Variants in TNS3 observed in about 807,000 individuals in gnomAD.
The protein encoded by TNS3 is tensin-3.
TNS3 carries 45 observed loss-of-function variants against 140.9 expected under a neutral mutation model. The observed-to-expected ratio is 0.32, with a 90% CI of 0.25 to 0.41. The LOEUF (loss-of-function observed/expected upper bound fraction) is 0.41, where lower values mean the gene tolerates loss of function less well. Among genes scored for constraint, TNS3 ranks in the 10% least tolerant of loss-of-function variants. The probability of loss-of-function intolerance (pLI) is 1.00; values close to 1 mark genes in which losing one functional copy is unlikely to be tolerated. For synonymous variants in TNS3, 815 were observed against 788.4 expected, an observed-to-expected ratio of 1.03 and a Z score of -0.56; for missense variants, 1,716 against 1,906.7, an observed-to-expected ratio of 0.90 and a Z score of 1.86.
intron 2 of TNS3, among the ~76,000 whole-genome samples, chr7:47,521,176 C>G (rs1417801452): frequency 6.6e-6 from 1 of 152,160 alleles, no homozygotes; most frequent in Non-Finnish European, 1.5e-5. Flanking sequence ...ATCGTCCTGA[C>G]AATGCCCACA....
chr7:47,450,496 C>A (rs140368134), intron 4 of TNS3, among the ~76,000 whole-genome samples: 1 of 152,242 alleles, frequency 6.6e-6, no homozygotes, highest in South Asian at 2.1e-4. Flanking sequence ...GTACTGAAAA[C>A]GGTAATACAC....
chr7:47,503,390 A>G (rs1383454517), intron 3 of TNS3, among the ~76,000 whole-genome samples: 2 of 151,532 alleles, frequency 1.3e-5, no homozygotes, highest in Non-Finnish European at 2.9e-5. Context: ...CCTCCCCAAC[A>G]TCTGCTTTCC....
intron 20 of TNS3, among the ~76,000 whole-genome samples, chr7:47,331,144 C>T (rs1584416006): frequency 1.3e-5 from 2 of 152,296 alleles, no homozygotes; most frequent in African/African-American, 4.8e-5. Context: ...AGTCTCTCTA[C>T]TACATGCAAG....
chr7:47,529,247 G>C, intron 1 of TNS3, 100 bp from the exon 2 acceptor site: 1 of 649,720 alleles, frequency 1.5e-6, no homozygotes, highest in Non-Finnish European at 2.2e-6. Context: ...GAATTGTAAA[G>C]AGCAAAAACA....
intron 2 of TNS3, among the ~76,000 whole-genome samples, chr7:47,518,494 TTC>T (rs1798855414): frequency 6.6e-6 from 1 of 151,826 alleles, no homozygotes; most frequent in African/African-American, 2.4e-5. Flanking sequence ...GTTTTACTCT[TTC>T]TCTCTTTCTT....
chr7:47,512,437 A>C (rs1243570499), intron 2 of TNS3, among the ~76,000 whole-genome samples: 1 of 152,250 alleles, frequency 6.6e-6, no homozygotes, highest in Non-Finnish European at 1.5e-5. Flanking sequence ...TGCCATGAAA[A>C]GAATAGTTTA....
chr7:47,491,812 G>A (rs546617374), intron 3 of TNS3, among the ~76,000 whole-genome samples: 3 of 152,244 alleles, frequency 2.0e-5, no homozygotes, highest in South Asian at 2.1e-4. Context: ...TGAGTGGGAC[G>A]GTGAAACCCG....
At chr7:47,351,682 T>C (rs1789681971) in intron 17 of TNS3, among the ~76,000 whole-genome samples, 1 of 152,104 alleles carries the variant, frequency 6.6e-6, no homozygotes, top group African/African-American at 2.4e-5. Flanking sequence ...AGGGCAGAGA[T>C]GGCAATGGAA....
intron 12 of TNS3, among the ~76,000 whole-genome samples, chr7:47,412,422 C>T (rs1166288974): frequency 6.6e-6 from 1 of 152,100 alleles, no homozygotes; most frequent in Non-Finnish European, 1.5e-5. Context: ...AGTTTGAGAC[C>T]AGCCTGGCTA....
chr7:47,433,318 G>A (rs1290371307), intron 8 of TNS3, among the ~76,000 whole-genome samples: 1 of 152,174 alleles, frequency 6.6e-6, no homozygotes, highest in Admixed American at 6.5e-5. Context: ...TTAAAAGAGG[G>A]CTTATCTCTC....
chr7:47,400,943 G>T (rs1168840490), intron 13 of TNS3, 29 bp from the exon 14 acceptor site: 1 of 1,612,906 alleles, frequency 6.2e-7, no homozygotes, highest in South Asian at 1.1e-5. Context: ...ACAAAACAAA[G>T]TAGCTGCAGC....
rs777293365 is a variant in TNS3 at position 47,368,360 on chromosome 7, C to T, written c.2281+5G>A. The T allele has an allele frequency of 2.2e-5, 33 of 1,481,222 alleles. No homozygotes were observed. In the South Asian group the frequency reaches 4.5e-4, roughly 20 times the overall value. 91.8% of individuals were successfully genotyped at this position (1,481,222 alleles called of 1,614,324 possible). A position where few individuals can be genotyped will look rare whatever the true frequency, so the allele number is the denominator to read the frequency against. ...TGGAGCACCTCCCATGGAGACCCAG[C>T]TCACCTTGCCGCCCGGTGGCCCTGC... On this transcript the variant is annotated splice_donor_5th_base_variant and intron_variant, in intron 17 of 30. Transcript: ENST00000311160.
At chr7:47,436,013 C>T (rs577153837) in intron 7 of TNS3, among the ~76,000 whole-genome samples, 3 of 152,172 alleles carry the variant, frequency 2.0e-5, no homozygotes, top group African/African-American at 4.8e-5. Flanking sequence ...AGTGGCCACA[C>T]GGGGGTGTTG....
At chr7:47,306,506 G>A (rs981494956) in intron 20 of TNS3, among the ~76,000 whole-genome samples, 3 of 152,070 alleles carry the variant, frequency 2.0e-5, no homozygotes, top group Admixed American at 1.3e-4. Flanking sequence ...TTGGTCACAC[G>A]TCATTTCAAT....
At chr7:47,443,434 A>G (rs1584672278) in intron 4 of TNS3, among the ~76,000 whole-genome samples, 1 of 151,986 alleles carries the variant, frequency 6.6e-6, no homozygotes, top group African/African-American at 2.4e-5. Flanking sequence ...GGCTCCAAAC[A>G]TGTTCCTCTG....
intron 20 of TNS3, among the ~76,000 whole-genome samples, chr7:47,322,561 A>G (rs997449877): frequency 1.3e-5 from 2 of 151,784 alleles, no homozygotes; most frequent in Admixed American, 1.3e-4. Context: ...CACACAATCA[A>G]AAAAACAACC....
At chr7:47,405,465 C>A in intron 13 of TNS3, 2 of 702,182 alleles carry the variant, frequency 2.8e-6, no homozygotes, top group South Asian at 3.0e-5. Context: ...CCCCATAGGT[C>A]AAAGACTTAA....
chr7:47,400,546 C>A, intron 14 of TNS3, 88 bp from the exon 15 acceptor site: 4 of 1,361,862 alleles, frequency 2.9e-6, no homozygotes, highest in Non-Finnish European at 3.1e-6. Context: ...CCAACCAGTA[C>A]AGCACCACTC....
At position 47,276,964 on chromosome 7, in the gene TNS3, G is replaced by C. The variant is rs1483011221; in HGVS notation, c.*1112C>G. On this transcript the variant is annotated 3_prime_UTR_variant, in exon 31 of 31. Coordinates refer to ENST00000311160, the MANE Select transcript of TNS3 (RefSeq NM_022748.12). Reference sequence around the variant, plus strand: ...TGAAGATGATCGAAAAGCCCATGTGGGGGATGCTGAGCTTAAATCCAGGAG... The same window carrying C: ...TGAAGATGATCGAAAAGCCCATGTGCGGGATGCTGAGCTTAAATCCAGGAG... 2 of 152,232 alleles carry C rather than the reference G, an allele frequency of 1.3e-5. No homozygotes were observed. Among genetic ancestry groups the C allele is most frequent in the African/African-American group, 2.4e-5 (1 of 41,454 alleles). The allele number at this position is 152,232 out of a possible 1,614,324, so 9.4% of individuals were successfully genotyped here.
Sources: gnomAD v4.1 joint callset for allele counts (sites outside exome capture counted in the v4.1 genomes callset) on GRCh38, gnomAD v4.1.1 for gene constraint, MANE v1.5 for transcripts, NCBI Gene and HGNC (gene_info 2026-07-23, HGNC 2026-07-21) for gene names.